The following MTREX variants were observed in gnomAD, a reference collection of about 807,000 sequenced individuals.
MTREX encodes the protein exosome RNA helicase MTR4.
Under a neutral mutation model 135.4 loss-of-function variants are expected in MTREX, and 76 were observed. The observed-to-expected ratio is 0.56, with a 90% CI of 0.47 to 0.68. MTREX has a LOEUF of 0.68. Ranked by LOEUF, MTREX falls within the 30% of genes least tolerant of loss-of-function variation. The probability of loss-of-function intolerance (pLI) is 0.00; values close to 1 mark genes in which losing one functional copy is unlikely to be tolerated. For missense variants in MTREX, 920 were observed against 1,262.1 expected (o/e 0.73, Z 4.11); for synonymous variants, 404 against 401.6 (o/e 1.01, Z -0.07).
intron 14 of MTREX, among the ~76,000 whole-genome samples, chr5:55,354,226 T>A (rs774448006): frequency 2.6e-5 from 4 of 152,188 alleles, no homozygotes; most frequent in Non-Finnish European, 5.9e-5. Flanking sequence ...GTAAACACTC[T>A]TGAGAAGTAT....
chr5:55,415,259 AG>A (rs1401945910), intron 24 of MTREX, among the ~76,000 whole-genome samples: 2 of 152,128 alleles, frequency 1.3e-5, no homozygotes, highest in African/African-American at 4.8e-5. Flanking sequence ...TATTATACTT[AG>A]TACTCAGCTG....
intron 25 of MTREX, among the ~76,000 whole-genome samples, chr5:55,420,131 T>C (rs1751030409): frequency 6.6e-6 from 1 of 152,188 alleles, no homozygotes; most frequent in African/African-American, 2.4e-5. Context: ...TAGTCTCTGC[T>C]CTCAAGAAAG....
At chr5:55,338,104 T>C (rs1251319534) in intron 5 of MTREX, among the ~76,000 whole-genome samples, 1 of 152,192 alleles carries the variant, frequency 6.6e-6, no homozygotes, top group African/African-American at 2.4e-5. Context: ...AATTGTGTTT[T>C]CTAAAAATAT....
intron 2 of MTREX, among the ~76,000 whole-genome samples, chr5:55,323,596 G>GT (rs1158882535): frequency 6.6e-6 from 1 of 151,852 alleles, no homozygotes; most frequent in African/African-American, 2.4e-5. Context: ...TAATTTTTGA[G>GT]TTTTTTTGTA....
At chr5:55,393,541 T>C (rs1463156702) in intron 19 of MTREX, among the ~76,000 whole-genome samples, 1 of 152,218 alleles carries the variant, frequency 6.6e-6, no homozygotes, top group Non-Finnish European at 1.5e-5. Flanking sequence ...TAGCTTGAAA[T>C]GTATTTAGAA....
intron 20 of MTREX, among the ~76,000 whole-genome samples, chr5:55,399,687 C>G (rs1750694550): frequency 6.6e-6 from 1 of 152,020 alleles, no homozygotes; most frequent in Admixed American, 6.6e-5. Context: ...CGGGGTTTCA[C>G]CGTGTTAGCC....
At chr5:55,336,304 A>G (rs184130484) in intron 5 of MTREX, among the ~76,000 whole-genome samples, 18 of 152,308 alleles carry the variant, frequency 1.2e-4, no homozygotes, top group African/African-American at 3.1e-4. Flanking sequence ...GATATGAGGA[A>G]GAAAGCATTC....
chr5:55,333,236 G>T (rs1749504222), intron 5 of MTREX, among the ~76,000 whole-genome samples: 1 of 152,102 alleles, frequency 6.6e-6, no homozygotes, highest in African/African-American at 2.4e-5. Flanking sequence ...GCCAGTTGCA[G>T]AATAGTCTTT....
intron 13 of MTREX, among the ~76,000 whole-genome samples, chr5:55,352,576 TTCA>T (rs1749846799): frequency 6.6e-6 from 1 of 152,212 alleles, no homozygotes; most frequent in South Asian, 2.1e-4. Context: ...ATTATATAAT[TTCA>T]TCATATGTCA....
chr5:55,378,368 G>A lies in MTREX; in HGVS notation c.1865G>A (p.Ser622Asn), dbSNP rs923554408. ...YNKIVIPNEE[S>N]VVIYYKIRQQ... Reference sequence around the variant, plus strand: ...AAAATAGTAATTCCCAATGAAGAAAGTGTGGTTATCTATTATAAGATTAGA... The same window carrying A: ...AAAATAGTAATTCCCAATGAAGAAAATGTGGTTATCTATTATAAGATTAGA... Residue 622 changes from serine to asparagine, a missense_variant, in exon 17 of 27, where the codon AGT becomes AAT. Ser to Asn is a conservative substitution (Grantham distance 46). Coordinates refer to ENST00000230640, the MANE Select transcript of MTREX (RefSeq NM_015360.5). The A allele has an allele frequency of 6.2e-7, 1 of 1,609,848 alleles. No individual in the cohort carries two copies. The highest frequency in any genetic ancestry group is 8.5e-7 in the Non-Finnish European group (1 of 1,178,862).
chr5:55,322,231 G>C lies in MTREX; in HGVS notation c.135-96G>C, dbSNP rs190862839. 7.3e-4 allele frequency: 733 copies of C among 1,001,340 alleles called. 4 individuals carry two copies. In the Middle Eastern group the frequency reaches 0.011, roughly 16 times the overall value. The allele number at this position is 1,001,340 out of a possible 1,614,324, so 62.0% of individuals were successfully genotyped here. On this transcript the variant is annotated intron_variant, in intron 1 of 26. Coordinates refer to ENST00000230640, the MANE Select transcript of MTREX (RefSeq NM_015360.5). ...TGTAACATTCATCTATTTAAAACAT[G>C]ACTTTCTGTTAATGGTATAGAGCAG... is the stretch of plus-strand genomic sequence containing the variant.
At chr5:55,355,609 A>G (rs1027958825) in intron 14 of MTREX, among the ~76,000 whole-genome samples, 1 of 152,202 alleles carries the variant, frequency 6.6e-6, no homozygotes, top group African/African-American at 2.4e-5. Context: ...TGGCCACACC[A>G]TCTAGAAGGG....
Position 55,425,564 on chromosome 5 carries a change from A to T in MTREX, c.*792A>T, listed in dbSNP as rs1295077057. The T allele has an allele frequency of 6.5e-6, 3 of 464,634 alleles. No individual in the cohort carries two copies. The highest frequency in any genetic ancestry group is 4.0e-5 in the African/African-American group (2 of 49,426). 28.8% of individuals were successfully genotyped at this position (464,634 alleles called of 1,614,324 possible). ...TAGCTTCATTTTGCCAATACTGAATAAAAGAGTTATTTCTACATGTGAATT... is the reference window on the plus strand; with the variant it reads ...TAGCTTCATTTTGCCAATACTGAATTAAAGAGTTATTTCTACATGTGAATT... On this transcript the variant is annotated 3_prime_UTR_variant, in exon 27 of 27. Coordinates refer to ENST00000230640, the MANE Select transcript of MTREX (RefSeq NM_015360.5).
Position 55,319,484 on chromosome 5 carries a change from G to A in MTREX, c.135-2843G>A, listed in dbSNP as rs183062604. On this transcript the variant is annotated intron_variant, in intron 1 of 26. Coordinates refer to ENST00000230640, the MANE Select transcript of MTREX (RefSeq NM_015360.5). ...AGGCTAGTTATCCCAGTTTGGGTTTGTTGGCCAATAAGTTATAATTAGATG... is the reference window on the plus strand; with the variant it reads ...AGGCTAGTTATCCCAGTTTGGGTTTATTGGCCAATAAGTTATAATTAGATG... 1.7e-3 allele frequency among the ~76,000 whole-genome samples: 254 copies of A among 152,244 alleles called. 1 individual carries two copies. Among genetic ancestry groups the A allele is most frequent in the Middle Eastern group, 0.014 (4 of 294 alleles).
intron 25 of MTREX, among the ~76,000 whole-genome samples, chr5:55,419,281 A>C (rs1751019075): frequency 6.6e-6 from 1 of 152,226 alleles, no homozygotes; most frequent in Non-Finnish European, 1.5e-5. Flanking sequence ...TGTTCCTAAT[A>C]AGATTCTTAA....
intron 3 of MTREX, among the ~76,000 whole-genome samples, chr5:55,326,917 C>T (rs1749388145): frequency 6.6e-6 from 1 of 152,038 alleles, no homozygotes; most frequent in Non-Finnish European, 1.5e-5. Flanking sequence ...TCTCATTGTT[C>T]AACTCCCACT....
chr5:55,358,362 T>C (rs1404388568), intron 14 of MTREX, among the ~76,000 whole-genome samples: 1 of 152,216 alleles, frequency 6.6e-6, no homozygotes, highest in African/African-American at 2.4e-5. Flanking sequence ...TTTTGTTATG[T>C]CAGTGTGATG....
intron 13 of MTREX, 110 bp downstream of exon 13, chr5:55,351,139 GAAATGACTT>G: frequency 7.9e-7 from 1 of 1,268,586 alleles, no homozygotes; most frequent in Non-Finnish European, 1.0e-6. Flanking sequence ...AAGGCTTAAT[GAAATGACTT>G]AAATAATGAA....
At chr5:55,385,968 T>G (rs1286002102) in intron 18 of MTREX, among the ~76,000 whole-genome samples, 1 of 152,140 alleles carries the variant, frequency 6.6e-6, no homozygotes. Context: ...CTGTTTCTAT[T>G]GATGGTGAAA....
Sources: allele counts gnomAD v4.1 joint callset (sites outside exome capture counted in the v4.1 genomes callset), GRCh38; gene constraint gnomAD v4.1.1; transcripts MANE v1.5; gene names NCBI Gene and HGNC (gene_info 2026-07-23, HGNC 2026-07-21).